APIP: variants seen among roughly 807,000 people sequenced by gnomAD.
APIP encodes the protein APAF1 interacting protein, also known as methylthioribulose-1-phosphate dehydratase.
A neutral mutation model predicts 32.0 loss-of-function variants in APIP; 32 were observed. The observed-to-expected ratio is 1.00, with a 90% CI of 0.76 to 1.34. The LOEUF is 1.34. APIP is among the 40% of genes most tolerant of loss of function. APIP has a pLI of 0.00. For missense variants in APIP, 247 were observed against 298.6 expected, an observed-to-expected ratio of 0.83 and a Z score of 1.27; for synonymous variants, 92 against 94.8, an observed-to-expected ratio of 0.97 and a Z score of 0.17.
intron 1 of APIP, among the ~76,000 whole-genome samples, chr11:34,898,528 G>A (rs943885113): frequency 6.6e-6 from 1 of 152,104 alleles, no homozygotes; most frequent in African/African-American, 2.4e-5. Context: ...AGAATCCCCA[G>A]CTATCCTGTC....
chr11:34,889,311 C>T (rs1853145585), intron 3 of APIP, among the ~76,000 whole-genome samples: 1 of 151,906 alleles, frequency 6.6e-6, no homozygotes, highest in Admixed American at 6.6e-5. Flanking sequence ...ATCGACATTC[C>T]AAAGATGGGT....
intron 1 of APIP, among the ~76,000 whole-genome samples, chr11:34,902,852 A>C (rs1202457563): frequency 6.6e-6 from 1 of 152,178 alleles, no homozygotes; most frequent in Non-Finnish European, 1.5e-5. Flanking sequence ...GGACCAGCTC[A>C]ACAGTCAATG....
rs754722385 is a variant in APIP, at chr11:34,888,343, A to T, written c.411T>A (p.His137Gln). ...TCTTTATTCCTTTTATCATCTCTTGATGTGTAATTTTAAACTCCCGTCCTG... is the reference window on the plus strand; with the variant it reads ...TCTTTATTCCTTTTATCATCTCTTGTTGTGTAATTTTAAACTCCCGTCCTG... ...LFPGREFKIT[H>Q]QEMIKGIKKC... is the part of the protein sequence containing the mutation. Residue 137 changes from histidine (H) to glutamine (Q), a missense_variant, in exon 5 of 7, where the codon CAT (histidine) becomes CAA (glutamine). Transcript: ENST00000395787. The T allele has an allele frequency of 1.1e-5, 18 of 1,610,700 alleles. No homozygotes were observed. Among genetic ancestry groups the T allele is most frequent in the Non-Finnish European group, 1.4e-5 (16 of 1,178,496 alleles).
chr11:34,901,550 C>A (rs1853370466), intron 1 of APIP, among the ~76,000 whole-genome samples: 1 of 152,192 alleles, frequency 6.6e-6, no homozygotes, highest in East Asian at 1.9e-4. Context: ...GGCCTCCCCT[C>A]TTCCCATAGT....
At chr11:34,896,778 G>T in intron 1 of APIP, 1 of 1,285,378 alleles carries the variant, frequency 7.8e-7, no homozygotes, top group Non-Finnish European at 1.0e-6. Context: ...AGAAGTGAGC[G>T]CCAAAGCCAG....
In APIP at chr11:34,916,281, A is replaced by G. The variant is rs1853690243; in HGVS notation, c.4T>C (p.Ser2Pro). The part of the protein sequence containing the change: M[S>P]GCDAREGDCC... ...TCTCCCTCCCGAGCATCACAGCCAGACATGGCCCAGACCAGGGACCCGCGC... is the reference window on the plus strand; with the variant it reads ...TCTCCCTCCCGAGCATCACAGCCAGGCATGGCCCAGACCAGGGACCCGCGC... Residue 2 changes from serine to proline, a missense_variant, in exon 1 of 7, where the codon TCT becomes CCT. Physicochemically the swap from Ser to Pro is moderately conservative, Grantham distance 74 (BLOSUM62 -1). Coordinates refer to ENST00000395787, the MANE Select transcript of APIP (RefSeq NM_015957.4). The G allele has an allele frequency of 2.5e-6, 4 of 1,612,304 alleles. No homozygotes were observed. The highest frequency in any genetic ancestry group is 3.4e-6 in the Non-Finnish European group (4 of 1,179,478).
intron 1 of APIP, among the ~76,000 whole-genome samples, chr11:34,909,197 C>T (rs1412427902): frequency 6.6e-6 from 1 of 152,040 alleles, no homozygotes; most frequent in Non-Finnish European, 1.5e-5. Flanking sequence ...GTGTGGTCAG[C>T]TGAGTAGCTG....
In APIP at chr11:34,893,353, C is replaced by A. The variant is rs541176635; in HGVS notation, c.158+1657G>T. Reference sequence around the variant, plus strand: ...GGTAGAAAGCTTTATTTTATACATACACAAACTATTTCTGAACATGCAAAT... The same window carrying A: ...GGTAGAAAGCTTTATTTTATACATAAACAAACTATTTCTGAACATGCAAAT... On this transcript the variant is annotated intron_variant, in intron 2 of 6. Coordinates refer to ENST00000395787, the MANE Select transcript of APIP (RefSeq NM_015957.4). 3.3e-5 allele frequency among the ~76,000 whole-genome samples: 5 copies of A among 152,152 alleles called. No individual in the cohort carries two copies. The South Asian group carries it at 8.3e-4, about 25-fold the overall frequency.
intron 5 of APIP, among the ~76,000 whole-genome samples, chr11:34,886,064 G>A (rs898125632): frequency 7.1e-6 from 1 of 141,388 alleles, no homozygotes; most frequent in Admixed American, 6.9e-5. Flanking sequence ...CTATTTTAGG[G>A]TGTACTCCTT....
chr11:34,916,134 G>T lies in APIP; in HGVS notation c.57+94C>A, dbSNP rs35924042. On this transcript the variant is annotated intron_variant, in intron 1 of 6. Transcript: ENST00000395787. ...CCGAAACCCCGCCCCGCAGCTAAACGCCCGGCCCGCTACCCTGCGCCCAGC... is the reference window on the plus strand; with the variant it reads ...CCGAAACCCCGCCCCGCAGCTAAACTCCCGGCCCGCTACCCTGCGCCCAGC... The T allele has an allele frequency of 2.7e-5, 40 of 1,499,296 alleles. No homozygotes were observed. The African/African-American group carries it at 5.1e-4, about 19-fold the overall frequency. 92.9% of individuals were successfully genotyped at this position (1,499,296 alleles called of 1,614,324 possible). A position where few individuals can be genotyped will look rare whatever the true frequency, so the allele number is the denominator to read the frequency against.
At chr11:34,890,787 T>G (rs1252726715) in intron 2 of APIP, 2 of 318,764 alleles carry the variant, frequency 6.3e-6, no homozygotes, top group Non-Finnish European at 1.2e-5. Context: ...TTCATATATA[T>G]TTATTCTTTT....
intron 1 of APIP, among the ~76,000 whole-genome samples, chr11:34,913,388 G>A (rs1431999520): frequency 2.6e-5 from 4 of 152,144 alleles, no homozygotes; most frequent in African/African-American, 7.2e-5. Flanking sequence ...TGGTGTGTAC[G>A]GAGTTTGTTC....
intron 1 of APIP, chr11:34,916,011 T>A (rs553562791): frequency 1.6e-6 from 1 of 619,428 alleles, no homozygotes; most frequent in Non-Finnish European, 2.7e-6. Flanking sequence ...GCTCCCGCCA[T>A]CGGAGCGCCC....
intron 3 of APIP, 32 bp downstream of exon 3, chr11:34,890,472 G>A (rs1167416065): frequency 1.3e-6 from 2 of 1,576,242 alleles, no homozygotes; most frequent in South Asian, 2.4e-5. Flanking sequence ...AAGAAGAAAA[G>A]ACACTGAGGT....
chr11:34,914,998 T>C (rs1853637324), intron 1 of APIP, among the ~76,000 whole-genome samples: 1 of 55,098 alleles, frequency 1.8e-5, no homozygotes, highest in South Asian at 6.4e-4. Context: ...GAGCAAAACG[T>C]GTCAAAAAAA....
At chr11:34,904,169 C>A (rs1163434107) in intron 1 of APIP, among the ~76,000 whole-genome samples, 1 of 152,174 alleles carries the variant, frequency 6.6e-6, no homozygotes, top group Non-Finnish European at 1.5e-5. Flanking sequence ...TGGGTAGAAG[C>A]ATTTCCATGC....
At chr11:34,897,000 A>G (rs1388783428) in intron 1 of APIP, 1 of 357,238 alleles carries the variant, frequency 2.8e-6, no homozygotes, top group Admixed American at 3.9e-5. Context: ...AATCACAACA[A>G]GGAAGCATGC....
chr11:34,884,022 T>C (rs1320197515), intron 5 of APIP, among the ~76,000 whole-genome samples: 1 of 152,180 alleles, frequency 6.6e-6, no homozygotes, highest in African/African-American at 2.4e-5. Context: ...GTTCTGGAGA[T>C]AACTCTTAAA....
intron 5 of APIP, among the ~76,000 whole-genome samples, chr11:34,887,571 T>G (rs1590702616): frequency 6.6e-6 from 1 of 152,198 alleles, no homozygotes; most frequent in African/African-American, 2.4e-5. Context: ...AACACTTTAG[T>G]AAAACTGGCA....
Sources: gnomAD v4.1 joint callset for allele counts (sites outside exome capture counted in the v4.1 genomes callset) on GRCh38, gnomAD v4.1.1 for gene constraint, MANE v1.5 for transcripts, NCBI Gene and HGNC (gene_info 2026-07-23, HGNC 2026-07-21) for gene names.